The following LHFPL6 variants were observed in gnomAD, a reference collection of about 807,000 sequenced individuals.
The protein encoded by LHFPL6 is LHFPL tetraspan subfamily member 6, also known as LHFPL tetraspan subfamily member 6 protein.
In LHFPL6, 9 loss-of-function variants were observed where a neutral mutation model predicts 20.6. The ratio of observed to expected loss-of-function variants is 0.44; its 90% CI spans 0.26 to 0.76. The LOEUF (loss-of-function observed/expected upper bound fraction) is 0.76. Ranked by LOEUF, LHFPL6 falls within the 30% of genes least tolerant of loss-of-function variation. LHFPL6 has a pLI of 0.20. For synonymous variants in LHFPL6, 105 were observed against 98.7 expected (o/e 1.06, Z -0.38); for missense variants, 218 against 253.5 (o/e 0.86, Z 0.95).
intron 3 of LHFPL6, among the ~76,000 whole-genome samples, chr13:39,366,031 T>C (rs2138349091): frequency 6.6e-6 from 1 of 152,324 alleles, no homozygotes; most frequent in African/African-American, 2.4e-5. Context: ...TAGGGAATCC[T>C]TGCCTCACAT....
At chr13:39,373,403 G>A (rs1288680469) in intron 3 of LHFPL6, among the ~76,000 whole-genome samples, 1 of 152,192 alleles carries the variant, frequency 6.6e-6, no homozygotes, top group Non-Finnish European at 1.5e-5. Flanking sequence ...TCCCCAAGAT[G>A]CCTCTAGACT....
intron 2 of LHFPL6, among the ~76,000 whole-genome samples, chr13:39,425,175 T>C (rs546888935): frequency 2.5e-4 from 38 of 152,312 alleles, no homozygotes; most frequent in Admixed American, 5.2e-4. Context: ...ATAATACATA[T>C]GTACTCTTCA....
At chr13:39,439,674 C>T (rs1872059928) in intron 2 of LHFPL6, among the ~76,000 whole-genome samples, 2 of 152,010 alleles carry the variant, frequency 1.3e-5, no homozygotes, top group South Asian at 4.2e-4. Flanking sequence ...GGTTTAACAC[C>T]ATCCCCGTTG....
intron 2 of LHFPL6, among the ~76,000 whole-genome samples, chr13:39,515,951 A>G (rs1869897772): frequency 6.6e-6 from 1 of 152,244 alleles, no homozygotes. Flanking sequence ...CAAGAGTTAT[A>G]CATAATTACA....
chr13:39,475,375 T>C (rs1394232927), intron 2 of LHFPL6, among the ~76,000 whole-genome samples: 1 of 151,876 alleles, frequency 6.6e-6, no homozygotes, highest in Non-Finnish European at 1.5e-5. Context: ...CTTTCAATGT[T>C]AGTAACAAAA....
chr13:39,574,682 C>T (rs1444194167), intron 2 of LHFPL6, among the ~76,000 whole-genome samples: 3 of 152,130 alleles, frequency 2.0e-5, no homozygotes, highest in South Asian at 4.1e-4. Context: ...ACTGAGATTT[C>T]TGCAAATTGA....
intron 3 of LHFPL6, among the ~76,000 whole-genome samples, chr13:39,377,834 G>A (rs919851446): frequency 2.0e-5 from 3 of 152,164 alleles, no homozygotes; most frequent in African/African-American, 4.8e-5. Flanking sequence ...AGTAGCACCT[G>A]ACTCTTCCTG....
chr13:39,438,850 G>C (rs1872035560), intron 2 of LHFPL6, among the ~76,000 whole-genome samples: 1 of 152,194 alleles, frequency 6.6e-6, no homozygotes, highest in African/African-American at 2.4e-5. Context: ...CCTCTACCTA[G>C]ATTTCAGAGG....
At chr13:39,407,656 T>C (rs535700055) in intron 2 of LHFPL6, among the ~76,000 whole-genome samples, 5 of 152,362 alleles carry the variant, frequency 3.3e-5, no homozygotes, top group South Asian at 2.1e-4. Context: ...TAATGAACTA[T>C]GAAAGTGATG....
chr13:39,540,492 A>G (rs1870763522), intron 2 of LHFPL6, among the ~76,000 whole-genome samples: 1 of 152,154 alleles, frequency 6.6e-6, no homozygotes. Flanking sequence ...AATTTGTGCC[A>G]TGAAATGTAT....
chr13:39,401,612 T>C (rs1870992833), intron 2 of LHFPL6, among the ~76,000 whole-genome samples: 1 of 152,216 alleles, frequency 6.6e-6, no homozygotes, highest in Non-Finnish European at 1.5e-5. Context: ...TTCTGAGTTG[T>C]TAAAATTCAG....
At chr13:39,593,873 C>A (rs528652721) in intron 2 of LHFPL6, among the ~76,000 whole-genome samples, 2 of 152,276 alleles carry the variant, frequency 1.3e-5, no homozygotes, top group South Asian at 2.1e-4. Flanking sequence ...GGAAAGGATT[C>A]GCTATTTAAT....
At chr13:39,472,833 A>T (rs1291686287) in intron 2 of LHFPL6, among the ~76,000 whole-genome samples, 1 of 151,824 alleles carries the variant, frequency 6.6e-6, no homozygotes, top group Non-Finnish European at 1.5e-5. Flanking sequence ...CTAGTCTCGA[A>T]CTCCTGACCT....
intron 2 of LHFPL6, among the ~76,000 whole-genome samples, chr13:39,463,740 G>A (rs557936690): frequency 5.9e-5 from 9 of 152,266 alleles, no homozygotes; most frequent in African/African-American, 2.2e-4. Context: ...ATTCTTTATA[G>A]TGGGGAATTC....
chr13:39,348,966 A>G (rs1869485764), intron 3 of LHFPL6, among the ~76,000 whole-genome samples: 1 of 152,204 alleles, frequency 6.6e-6, no homozygotes, highest in Non-Finnish European at 1.5e-5. Flanking sequence ...AAAATTAAGC[A>G]AAGATCTTTA....
intron 2 of LHFPL6, among the ~76,000 whole-genome samples, chr13:39,425,852 T>C (rs1871621837): frequency 6.6e-6 from 1 of 152,154 alleles, no homozygotes; most frequent in Non-Finnish European, 1.5e-5. Flanking sequence ...ATATGAGACA[T>C]GGTTTCACTA....
At chr13:39,443,656 T>A (rs1872201071) in intron 2 of LHFPL6, among the ~76,000 whole-genome samples, 1 of 152,048 alleles carries the variant, frequency 6.6e-6, no homozygotes, top group Non-Finnish European at 1.5e-5. Context: ...GGTAGAAATA[T>A]GGAGTGTAAG....
At chr13:39,426,514 C>T (rs1306937947) in intron 2 of LHFPL6, among the ~76,000 whole-genome samples, 1 of 152,188 alleles carries the variant, frequency 6.6e-6, no homozygotes, top group African/African-American at 2.4e-5. Context: ...GCCATCGCGC[C>T]TGGCCTAATT....
chr13:39,590,151 T>C (rs1872555188), intron 2 of LHFPL6, among the ~76,000 whole-genome samples: 1 of 152,140 alleles, frequency 6.6e-6, no homozygotes, highest in Non-Finnish European at 1.5e-5. Context: ...TAAAATTCAG[T>C]GTTCTCAGCT....
Sources: gnomAD v4.1 joint callset for allele counts (sites outside exome capture counted in the v4.1 genomes callset) on GRCh38, gnomAD v4.1.1 for gene constraint, MANE v1.5 for transcripts, NCBI Gene and HGNC (gene_info 2026-07-23, HGNC 2026-07-21) for gene names.